The following PYGL variants were observed in gnomAD, a reference collection of about 807,000 sequenced individuals.
The protein encoded by PYGL is glycogen phosphorylase, liver form.
PYGL carries 90 observed loss-of-function variants against 100.1 expected under a neutral mutation model. The observed-to-expected ratio is 0.90, with a 90% CI of 0.76 to 1.07. The LOEUF (loss-of-function observed/expected upper bound fraction) is 1.07. Among genes scored for constraint, PYGL ranks in the 50% least tolerant of loss-of-function variants. PYGL has a pLI of 0.00. For missense variants in PYGL, 1,016 were observed against 1,057.6 expected (o/e 0.96, Z 0.55); for synonymous variants, 373 against 393.0 (o/e 0.95, Z 0.60).
chr14:50,914,552 T>G (rs1197977439), intron 12 of PYGL, 149 bp downstream of exon 12: 4 of 661,284 alleles, frequency 6.0e-6, no homozygotes, highest in Non-Finnish European at 1.1e-5. Flanking sequence ...AGCAGAGAAT[T>G]AAACCCAGCA....
rs1343969459 is a variant in PYGL, at chr14:50,944,097, C to T, written c.243+64G>A. 7 of 1,533,946 alleles carry T rather than the reference C, an allele frequency of 4.6e-6. No individual in the cohort carries two copies. In the East Asian group the frequency reaches 7.2e-5, roughly 16 times the overall value. On this transcript the variant is annotated intron_variant, in intron 1 of 19. Transcript: ENST00000216392. ...TGAGGGGTTCTCCACCTCGTCCCGC[C>T]CGGCCGCGGCCGGAGACTCCGACTC... is the stretch of plus-strand genomic sequence containing the variant.
chr14:50,916,527 G>T (rs542919399), intron 9 of PYGL, 115 bp downstream of exon 9: 1 of 963,302 alleles, frequency 1.0e-6, no homozygotes, highest in Non-Finnish European at 1.7e-6. Context: ...ACCTTTAACT[G>T]TTGAAAGTTA....
chr14:50,940,064 C>A (rs2050690278), intron 1 of PYGL, among the ~76,000 whole-genome samples: 3 of 152,194 alleles, frequency 2.0e-5, no homozygotes, highest in Admixed American at 2.0e-4. Context: ...GTTACTAGAA[C>A]CCTCACCAGC....
chr14:50,927,470 C>G (rs2050561544), intron 4 of PYGL, among the ~76,000 whole-genome samples: 1 of 152,158 alleles, frequency 6.6e-6, no homozygotes, highest in African/African-American at 2.4e-5. Flanking sequence ...AGTGATCTGC[C>G]TGCCTCGGCC....
chr14:50,923,866 C>T (rs1379909715), intron 5 of PYGL, 103 bp downstream of exon 5: 7 of 1,358,894 alleles, frequency 5.2e-6, no homozygotes, highest in Non-Finnish European at 6.2e-6. Context: ...CAAAACACGA[C>T]ATGCCCTATA....
Position 50,937,753 on chromosome 14 carries a change from C to A in PYGL, c.328G>T (p.Asp110Tyr), listed in dbSNP as rs1164101706. 3 of 1,613,670 alleles carry A rather than the reference C, an allele frequency of 1.9e-6. No individual in the cohort carries two copies. The highest frequency in any genetic ancestry group is 1.7e-6 in the Non-Finnish European group (2 of 1,179,606). The change falls in exon 2 of 20, where the codon GAT becomes TAT. Residue 110 changes from aspartate (D) to tyrosine (Y), a missense_variant. Physicochemically the swap from Asp to Tyr is radical, Grantham distance 160 (BLOSUM62 -3). Coordinates refer to ENST00000216392, the MANE Select transcript of PYGL (RefSeq NM_002863.5). ...CAATGTACCTGGTAAATGGCCTCAT[C>A]ACAGGCATTTTGCAGACCGAGGTTG... ...MINLGLQNAC[D>Y]EAIYQLGLDI...
At chr14:50,916,595 C>T (rs764154077) in intron 9 of PYGL, 47 bp downstream of exon 9, 5 of 1,520,050 alleles carry the variant, frequency 3.3e-6, no homozygotes, top group South Asian at 1.1e-5. Context: ...CTTTCAACTG[C>T]AGCCATTCTG....
chr14:50,943,652 C>G (rs1000072939), intron 1 of PYGL, among the ~76,000 whole-genome samples: 2 of 152,262 alleles, frequency 1.3e-5, no homozygotes, highest in Non-Finnish European at 2.9e-5. Flanking sequence ...TTAGCCACTC[C>G]CAGAGGCCTG....
rs751829824 is a variant in PYGL at position 50,924,114 on chromosome 14, C to G, written c.529-14G>C. On this transcript the variant is annotated splice_polypyrimidine_tract_variant and intron_variant, in intron 4 of 19. Coordinates refer to ENST00000216392, the MANE Select transcript of PYGL (RefSeq NM_002863.5). ...TGCTTCTTCTACCTGCAAAAGGATA[C>G]AGTATTGCTTAGAATTTATTTGTCA... 1.2e-6 allele frequency: 2 copies of G among 1,612,478 alleles called. No homozygotes were observed. The highest frequency in any genetic ancestry group is 3.3e-5 in the Admixed American group (2 of 59,988).
chr14:50,930,540 A>G (rs1178258703), intron 4 of PYGL, among the ~76,000 whole-genome samples: 1 of 152,184 alleles, frequency 6.6e-6, no homozygotes, highest in Non-Finnish European at 1.5e-5. Flanking sequence ...TATCCCTAAT[A>G]TTCTCCTGAG....
At position 50,910,048 on chromosome 14, in the gene PYGL, G is replaced by C. The variant is rs113993986; in HGVS notation, c.2024C>G (p.Ser675Trp). The change falls in exon 17 of 20, where the codon TCG (serine) becomes TGG (tryptophan). Residue 675 changes from serine to tryptophan, a missense_variant. By Grantham distance (177) the Ser-to-Trp change is radical. Transcript: ENST00000216392. ...EQISTAGTEA[S>W]GTGNMKFMLN... The stretch of plus-strand genomic sequence containing the variant: ...CATGAACTTCATATTGCCTGTCCCC[G>C]AGGCTTCGGTGCCTGCAGTGGAAAT... 1 of 1,614,124 alleles carries C rather than the reference G, an allele frequency of 6.2e-7. No individual in the cohort carries two copies. Among genetic ancestry groups the C allele is most frequent in the Admixed American group, 1.7e-5 (1 of 60,020 alleles).
intron 16 of PYGL, among the ~76,000 whole-genome samples, chr14:50,911,171 G>T (rs932467168): frequency 3.3e-5 from 5 of 152,254 alleles, no homozygotes; most frequent in Non-Finnish European, 7.3e-5. Context: ...AAAGGTCCCA[G>T]TGGAAGAGAA....
chr14:50,915,849 A>G lies in PYGL; in HGVS notation c.1215T>C (p.Tyr405=), dbSNP rs754462366. Reference sequence around the variant, plus strand: ...CATCTAAATGCTTCTGATTTATCTCATAAATGATTTCCAAATGTCGAGGGA... The same window carrying G: ...CATCTAAATGCTTCTGATTTATCTCGTAAATGATTTCCAAATGTCGAGGGA... ...KLLPRHLEII[Y]EINQKHLDRI... Residue 405 remains tyrosine, a synonymous_variant, in exon 10 of 20, where the codon TAT becomes TAC. Transcript: ENST00000216392. 2.5e-6 allele frequency: 4 copies of G among 1,614,060 alleles called. No homozygotes were observed. Among genetic ancestry groups the G allele is most frequent in the African/African-American group, 1.3e-5 (1 of 74,954 alleles).
chr14:50,921,143 C>A, intron 5 of PYGL, 76 bp from the exon 6 acceptor site: 1 of 1,165,392 alleles, frequency 8.6e-7, no homozygotes, highest in South Asian at 1.2e-5. Context: ...GGCTGGGAGA[C>A]TGCAATGGAA....
At chr14:50,910,944 G>A (rs752058385) in intron 16 of PYGL, among the ~76,000 whole-genome samples, 6 of 152,326 alleles carry the variant, frequency 3.9e-5, no homozygotes, top group Non-Finnish European at 7.3e-5. Context: ...TACTGTGAGA[G>A]CTTATTTGTG....
chr14:50,920,147 G>T (rs1342206588), intron 7 of PYGL, among the ~76,000 whole-genome samples: 2 of 152,214 alleles, frequency 1.3e-5, no homozygotes, highest in Non-Finnish European at 2.9e-5. Flanking sequence ...ACCAGAAAGA[G>T]CCTAGTCAGT....
chr14:50,924,446 T>C (rs372955606), intron 4 of PYGL, among the ~76,000 whole-genome samples: 7 of 152,212 alleles, frequency 4.6e-5, no homozygotes, highest in Non-Finnish European at 7.3e-5. Context: ...TGTCTTAACG[T>C]CTGTGAATCC....
rs143287753 is a variant in PYGL at position 50,912,196 on chromosome 14, T to C, written c.1728A>G (p.Arg576=). ...VQVKRIHEYK[R]QLLNCLHVIT... ...TCACATGCAGACAGTTCAAGAGCTGTCGCTTGTACTCATGTATCCTCTTCA... is the reference window on the plus strand; with the variant it reads ...TCACATGCAGACAGTTCAAGAGCTGCCGCTTGTACTCATGTATCCTCTTCA... Residue 576 remains arginine, a synonymous_variant, in exon 14 of 20, where the codon CGA becomes CGG. Coordinates refer to ENST00000216392, the MANE Select transcript of PYGL (RefSeq NM_002863.5). 4.4e-5 allele frequency: 71 copies of C among 1,614,188 alleles called. No homozygotes were observed. In the African/African-American group the frequency reaches 8.4e-4, roughly 19 times the overall value.
intron 7 of PYGL, among the ~76,000 whole-genome samples, chr14:50,917,948 A>G (rs1349731531): frequency 1.3e-5 from 2 of 152,206 alleles, no homozygotes; most frequent in African/African-American, 4.8e-5. Flanking sequence ...GTGAGCCTTG[A>G]CTAATATCCA....
Sources: gnomAD v4.1 joint callset for allele counts (sites outside exome capture counted in the v4.1 genomes callset) on GRCh38, gnomAD v4.1.1 for gene constraint, MANE v1.5 for transcripts, NCBI Gene and HGNC (gene_info 2026-07-23, HGNC 2026-07-21) for gene names.